The following ARFGEF3 variants were observed in gnomAD, a reference collection of about 807,000 sequenced individuals.
ARFGEF3 encodes the protein brefeldin A-inhibited guanine nucleotide-exchange protein 3.
ARFGEF3 carries 96 observed loss-of-function variants against 221.7 expected under a neutral mutation model. That is an observed-to-expected ratio of 0.43 (90% confidence interval 0.37 to 0.51). The LOEUF is 0.51. Among genes scored for constraint, ARFGEF3 ranks in the 20% least tolerant of loss-of-function variants. The pLI is 0.00. For synonymous variants in ARFGEF3, 1,145 were observed against 1,126.8 expected, an observed-to-expected ratio of 1.02 and a Z score of -0.32; for missense variants, 2,410 against 2,789.9, an observed-to-expected ratio of 0.86 and a Z score of 3.07.
intron 8 of ARFGEF3, among the ~76,000 whole-genome samples, chr6:138,249,421 C>A (rs932057760): frequency 1.3e-5 from 2 of 152,194 alleles, no homozygotes; most frequent in African/African-American, 4.8e-5. Context: ...CTTCCACCTC[C>A]TGGGTTCAAA....
intron 32 of ARFGEF3, among the ~76,000 whole-genome samples, chr6:138,333,502 C>T (rs1041146140): frequency 6.6e-6 from 1 of 152,038 alleles, no homozygotes; most frequent in Non-Finnish European, 1.5e-5. Flanking sequence ...AGTGCAGTGG[C>T]GCGATTTCAG....
chr6:138,204,742 A>G (rs1304134556), intron 2 of ARFGEF3, among the ~76,000 whole-genome samples: 3 of 152,248 alleles, frequency 2.0e-5, no homozygotes, highest in Admixed American at 2.0e-4. Flanking sequence ...GCTAAGACCC[A>G]CAGAGTTTAG....
At chr6:138,212,111 C>T (rs1777738496) in intron 4 of ARFGEF3, among the ~76,000 whole-genome samples, 1 of 152,148 alleles carries the variant, frequency 6.6e-6, no homozygotes, top group African/African-American at 2.4e-5. Flanking sequence ...TCATGTACAA[C>T]ATGATTTTGA....
In ARFGEF3 at chr6:138,334,064, C is replaced by T; in HGVS notation, c.5218C>T (p.Pro1740Ser). 2 of 1,613,838 alleles carry T rather than the reference C, an allele frequency of 1.2e-6. No homozygotes were observed. Among genetic ancestry groups the T allele is most frequent in the Non-Finnish European group, 1.7e-6 (2 of 1,179,856 alleles). The change falls in exon 33 of 34, where the codon CCC (proline) becomes TCC (serine). Residue 1740 changes from proline (P) to serine (S), a missense_variant. Pro to Ser is a moderately conservative substitution (Grantham distance 74). Around this residue, in one of 5 missense-constraint regions of ARFGEF3, gnomAD observed 723 missense variants for 991.9 expected, o/e 0.73. Coordinates refer to ENST00000251691, the MANE Select transcript of ARFGEF3 (RefSeq NM_020340.5). This position sits in a 1 kb window ranked among gnomAD's most constrained non-coding sequence, Gnocchi z 5.1. ...CTTGTTAGAAGAGTTTGTCAAAGGC[C>T]CCTCTCCTGGAGAGGAAAAGACGAT... is the stretch of plus-strand genomic sequence containing the variant. ...DILLEEFVKG[P>S]SPGEEKTIQV...
intron 5 of ARFGEF3, among the ~76,000 whole-genome samples, chr6:138,237,855 C>T (rs1268873057): frequency 1.3e-5 from 2 of 152,156 alleles, no homozygotes; most frequent in African/African-American, 4.8e-5. Flanking sequence ...TTGCAGAGTT[C>T]CTGCAGAGGA....
Position 138,162,133 on chromosome 6 carries a change from A to G in ARFGEF3, c.47A>G (p.Lys16Arg). 6.2e-7 allele frequency: 1 copy of G among 1,604,460 alleles called. No homozygotes were observed. The highest frequency in any genetic ancestry group is 1.4e-5 in the African/African-American group (1 of 73,718). Reference protein sequence around the residue: ...RKLQKEASGSKYKAIKESCTW... With the variant: ...RKLQKEASGSRYKAIKESCTW... Reference sequence around the variant, plus strand: ...CTGCAGAAGGAGGCGTCCGGGAGCAAGTACAAAGCCATCAAGGAGAGCTGC... The same window carrying G: ...CTGCAGAAGGAGGCGTCCGGGAGCAGGTACAAAGCCATCAAGGAGAGCTGC... The change falls in exon 1 of 34, where the codon AAG (lysine) becomes AGG (arginine). Residue 16 changes from lysine (K) to arginine (R), a missense_variant. By Grantham distance (26) the Lys-to-Arg change is conservative. Transcript: ENST00000251691. This position sits in a 1 kb window ranked among gnomAD's most constrained non-coding sequence, Gnocchi z 4.7.
intron 12 of ARFGEF3, among the ~76,000 whole-genome samples, chr6:138,272,225 G>A (rs929201166): frequency 6.6e-6 from 1 of 151,948 alleles, no homozygotes; most frequent in African/African-American, 2.4e-5. Flanking sequence ...GCACGATCTC[G>A]GCTCACTGCA....
intron 24 of ARFGEF3, among the ~76,000 whole-genome samples, chr6:138,309,931 A>G (rs1779795531): frequency 6.6e-6 from 1 of 152,216 alleles, no homozygotes; most frequent in Admixed American, 6.5e-5. Flanking sequence ...AGCCTCTTCC[A>G]GAACCAACCT....
At chr6:138,176,544 T>C (rs565527075) in intron 2 of ARFGEF3, among the ~76,000 whole-genome samples, 1 of 152,346 alleles carries the variant, frequency 6.6e-6, no homozygotes, top group East Asian at 1.9e-4. Context: ...ATTTAATGCA[T>C]TTACATTCAA....
chr6:138,201,593 C>A (rs1484954578), intron 2 of ARFGEF3, among the ~76,000 whole-genome samples: 1 of 152,172 alleles, frequency 6.6e-6, no homozygotes. Context: ...ATCGTATGTT[C>A]CCACTGATAT....
rs1286009012 is a variant in ARFGEF3, at chr6:138,334,405, G to A, written c.5559G>A (p.Gln1853=). ...ACGAGAGAAGCACGGATTCTTCCCA[G>A]CAGTGTTCATCTGAGGATGAAGACA... ...EDDERSTDSS[Q]QCSSEDEDIF... Residue 1853 remains glutamine, a synonymous_variant, in exon 33 of 34, where the codon CAG becomes CAA. Coordinates refer to ENST00000251691, the MANE Select transcript of ARFGEF3 (RefSeq NM_020340.5). This position sits in a 1 kb window ranked among gnomAD's most constrained non-coding sequence, Gnocchi z 5.1. 6.2e-7 allele frequency: 1 copy of A among 1,612,658 alleles called. No homozygotes were observed.
chr6:138,308,542 G>C (rs1164779097), intron 23 of ARFGEF3, among the ~76,000 whole-genome samples, 197 bp from the exon 24 acceptor site: 1 of 152,032 alleles, frequency 6.6e-6, no homozygotes, highest in Non-Finnish European at 1.5e-5. Context: ...TCATCTCTCT[G>C]CCGAGCTGCT....
At chr6:138,259,457 A>G (rs935552758) in intron 10 of ARFGEF3, among the ~76,000 whole-genome samples, 1 of 152,014 alleles carries the variant, frequency 6.6e-6, no homozygotes, top group African/African-American at 2.4e-5. Context: ...TCAGCTTTAG[A>G]AGCCCCCTAG....
chr6:138,343,280 A>G lies in ARFGEF3; in HGVS notation c.*6794A>G, dbSNP rs1780461130. ...CTTATTGATTCAATGAGGTTTCTCTAAAGACTTCTGCTTAATAAATATGCT... is the reference window on the plus strand; with the variant it reads ...CTTATTGATTCAATGAGGTTTCTCTGAAGACTTCTGCTTAATAAATATGCT... On this transcript the variant is annotated 3_prime_UTR_variant, in exon 34 of 34. Transcript: ENST00000251691. The G allele has an allele frequency of 6.6e-6, 1 of 152,212 alleles. No homozygotes were observed. 9.4% of individuals were successfully genotyped at this position (152,212 alleles called of 1,614,324 possible).
At chr6:138,314,669 G>A (rs564186231) in intron 26 of ARFGEF3, among the ~76,000 whole-genome samples, 13 of 152,242 alleles carry the variant, frequency 8.5e-5, no homozygotes, top group African/African-American at 2.9e-4. Context: ...AGACATTCAC[G>A]TTCTAAAGGG....
In ARFGEF3 at chr6:138,333,985, A is replaced by G. The variant is rs1780273825; in HGVS notation, c.5139A>G (p.Glu1713=). 2 of 1,606,340 alleles carry G rather than the reference A, an allele frequency of 1.2e-6. No individual in the cohort carries two copies. The highest frequency in any genetic ancestry group is 1.7e-6 in the Non-Finnish European group (2 of 1,174,128). Residue 1713 remains glutamate, a synonymous_variant, in exon 33 of 34, where the codon GAA becomes GAG. Coordinates refer to ENST00000251691, the MANE Select transcript of ARFGEF3 (RefSeq NM_020340.5). ...GHTKKSVSFR[E]IVVSLLSHQV... ...TCACTTGAAGCGTGTCTTTCAGGGAAATTGTGGTGAGCCTGCTGTCTCATC... is the reference window on the plus strand; with the variant it reads ...TCACTTGAAGCGTGTCTTTCAGGGAGATTGTGGTGAGCCTGCTGTCTCATC...
At chr6:138,321,261 G>A in intron 29 of ARFGEF3, 36 bp downstream of exon 29, 1 of 1,142,012 alleles carries the variant, frequency 8.8e-7, no homozygotes, top group Admixed American at 2.8e-5. Flanking sequence ...CACAAAGCTG[G>A]AGTTTTTATT....
chr6:138,263,133 A>G lies in ARFGEF3; in HGVS notation c.1650A>G (p.Lys550=), dbSNP rs776276027. 1.4e-5 allele frequency: 23 copies of G among 1,614,012 alleles called. No individual in the cohort carries two copies. The highest frequency in any genetic ancestry group is 1.9e-5 in the Non-Finnish European group (22 of 1,179,896). The part of the protein sequence containing the change: ...AIPEGKETLS[K]VLETEAVDQP... The stretch of plus-strand genomic sequence containing the variant: ...CAGAGGGTAAGGAGACGCTGAGCAA[A>G]GTATTGGAAACAGAGGCGGTAGACC... The change falls in exon 12 of 34, where the codon AAA becomes AAG. Residue 550 remains lysine (K), a synonymous_variant. Transcript: ENST00000251691.
At chr6:138,254,197 G>T (rs1778632561) in intron 9 of ARFGEF3, among the ~76,000 whole-genome samples, 1 of 151,924 alleles carries the variant, frequency 6.6e-6, no homozygotes, top group African/African-American at 2.4e-5. Flanking sequence ...CAGGCATATT[G>T]CTTGAGGCCA....
Sources: gnomAD v4.1 joint callset for allele counts (sites outside exome capture counted in the v4.1 genomes callset) on GRCh38, gnomAD v4.1.1 for gene constraint, gnomAD v4.1.1 regional missense constraint, Gnocchi (gnomAD v3.1) non-coding constraint, MANE v1.5 for transcripts, NCBI Gene and HGNC (gene_info 2026-07-23, HGNC 2026-07-21) for gene names.